Variants in GARRE1 observed in about 807,000 individuals in gnomAD.
GARRE1 encodes the protein granule associated Rac and RHOG effector protein 1.
GARRE1 carries 49 observed loss-of-function variants against 103.2 expected under a neutral mutation model. That is an observed-to-expected ratio of 0.47 (90% CI 0.38 to 0.60). The LOEUF (loss-of-function observed/expected upper bound fraction) is 0.60. GARRE1 is among the 20% of genes least tolerant of loss of function. The probability of loss-of-function intolerance (pLI) is 0.00; values close to 1 mark genes in which losing one functional copy is unlikely to be tolerated. For missense variants in GARRE1, 1,199 were observed against 1,370.5 expected (o/e 0.87, Z 1.98); for synonymous variants, 505 against 532.8 (o/e 0.95, Z 0.72).
chr19:34,259,038 C>T (rs2073695663), intron 1 of GARRE1, among the ~76,000 whole-genome samples: 1 of 151,992 alleles, frequency 6.6e-6, no homozygotes, highest in Non-Finnish European at 1.5e-5. Context: ...TGTGGTGGTC[C>T]ATGCCTATAA....
At chr19:34,311,755 C>T (rs909340108) in intron 2 of GARRE1, among the ~76,000 whole-genome samples, 13 of 152,058 alleles carry the variant, frequency 8.5e-5, no homozygotes, top group Non-Finnish European at 1.5e-4. Flanking sequence ...GGATTACAGG[C>T]GTGTGCCACC....
At chr19:34,303,584 T>C (rs2073991616) in intron 2 of GARRE1, among the ~76,000 whole-genome samples, 1 of 152,226 alleles carries the variant, frequency 6.6e-6, no homozygotes, top group African/African-American at 2.4e-5. Flanking sequence ...TTAGGCTTCA[T>C]GGACCACATG....
chr19:34,320,905 C>G (rs1388766526), intron 3 of GARRE1, among the ~76,000 whole-genome samples: 1 of 125,100 alleles, frequency 8.0e-6, no homozygotes, highest in Non-Finnish European at 1.7e-5. Flanking sequence ...ATTATTATTA[C>G]TTTTTTTTTT....
intron 3 of GARRE1, 92 bp from the exon 4 acceptor site, chr19:34,327,329 G>C (rs183820311): frequency 8.5e-7 from 1 of 1,172,282 alleles, no homozygotes; most frequent in African/African-American, 1.5e-5. Context: ...CATTTTACTT[G>C]AGGGGGTTTT....
intron 8 of GARRE1, among the ~76,000 whole-genome samples, chr19:34,339,019 AT>A (rs1443313733): frequency 6.6e-6 from 1 of 152,186 alleles, no homozygotes; most frequent in Non-Finnish European, 1.5e-5. Flanking sequence ...GATGTGTTTT[AT>A]AAGAAGAGCT....
intron 2 of GARRE1, among the ~76,000 whole-genome samples, chr19:34,319,097 A>C (rs2074073077): frequency 6.6e-6 from 1 of 152,218 alleles, no homozygotes; most frequent in Non-Finnish European, 1.5e-5. Context: ...GGAGCAGCAA[A>C]GGAGCTGTCA....
chr19:34,298,810 A>T (rs1392765877), intron 1 of GARRE1, among the ~76,000 whole-genome samples: 3 of 152,204 alleles, frequency 2.0e-5, no homozygotes, highest in Admixed American at 1.3e-4. Flanking sequence ...AGCAAATGTT[A>T]TTCCTGATTT....
At chr19:34,328,627 G>T (rs184085391) in intron 6 of GARRE1, among the ~76,000 whole-genome samples, 3 of 151,596 alleles carry the variant, frequency 2.0e-5, no homozygotes, top group Non-Finnish European at 4.4e-5. Flanking sequence ...TTTTTGAGAC[G>T]GAGTTTTACT....
intron 1 of GARRE1, among the ~76,000 whole-genome samples, chr19:34,257,212 ATGTT>A (rs2073679094): frequency 1.3e-5 from 2 of 151,436 alleles, no homozygotes; most frequent in Admixed American, 1.3e-4. Context: ...ATTTTAGTAA[ATGTT>A]TGTTCTGTTG....
intron 3 of GARRE1, among the ~76,000 whole-genome samples, chr19:34,320,465 T>C (rs2074081856): frequency 6.6e-6 from 1 of 152,012 alleles, no homozygotes; most frequent in South Asian, 2.1e-4. Flanking sequence ...GGGGGACCAG[T>C]GAGAAGAGGC....
chr19:34,265,568 A>T (rs2073746636), intron 1 of GARRE1: 1 of 152,150 alleles, frequency 6.6e-6, no homozygotes, highest in Admixed American at 6.6e-5. Flanking sequence ...ATAGGGCATT[A>T]CTTCTTTTAG....
intron 1 of GARRE1, chr19:34,285,357 C>T (rs1272802101): frequency 1.3e-5 from 2 of 152,118 alleles, no homozygotes; most frequent in African/African-American, 4.8e-5. Flanking sequence ...CATGATGGCT[C>T]ATGGCTGTAA....
chr19:34,295,644 C>T (rs1215202612), intron 1 of GARRE1, among the ~76,000 whole-genome samples: 3 of 152,148 alleles, frequency 2.0e-5, no homozygotes, highest in African/African-American at 7.2e-5. Flanking sequence ...ATACTGCTCC[C>T]TCAGCCTCCC....
chr19:34,286,993 G>A (rs2145227520), intron 1 of GARRE1, among the ~76,000 whole-genome samples: 1 of 152,018 alleles, frequency 6.6e-6, no homozygotes, highest in Non-Finnish European at 1.5e-5. Context: ...CAAAAAATTA[G>A]TCGGGCATGG....
intron 1 of GARRE1, among the ~76,000 whole-genome samples, chr19:34,267,579 C>T (rs762866170): frequency 3.9e-5 from 6 of 152,100 alleles, no homozygotes; most frequent in Non-Finnish European, 8.8e-5. Context: ...AAATAACTTT[C>T]TAATGGACAC....
chr19:34,271,277 C>G (rs2073785927), intron 1 of GARRE1, among the ~76,000 whole-genome samples: 1 of 122,600 alleles, frequency 8.2e-6, no homozygotes, highest in Non-Finnish European at 1.6e-5. Context: ...TAGATGAAGT[C>G]TCACTCTGTT....
intron 1 of GARRE1, among the ~76,000 whole-genome samples, chr19:34,271,214 C>G (rs1412311836): frequency 2.7e-5 from 4 of 148,848 alleles, no homozygotes; most frequent in Non-Finnish European, 4.4e-5. Flanking sequence ...TCAGCTTCAG[C>G]TAGTGTTCAG....
At chr19:34,321,702 T>G (rs1202500703) in intron 3 of GARRE1, among the ~76,000 whole-genome samples, 1 of 152,174 alleles carries the variant, frequency 6.6e-6, no homozygotes, top group African/African-American at 2.4e-5. Context: ...GGTCTTGAAC[T>G]CCTGACCTTG....
intron 1 of GARRE1, among the ~76,000 whole-genome samples, chr19:34,290,219 G>C (rs2073910121): frequency 6.6e-6 from 1 of 151,998 alleles, no homozygotes; most frequent in Non-Finnish European, 1.5e-5. Flanking sequence ...AACTGGGCGT[G>C]GTGCTGTATG....
Sources: allele counts gnomAD v4.1 joint callset (sites outside exome capture counted in the v4.1 genomes callset), GRCh38; gene constraint gnomAD v4.1.1; transcripts MANE v1.5; gene names NCBI Gene and HGNC (gene_info 2026-07-23, HGNC 2026-07-21).